Variants in PLPPR1 observed in about 807,000 individuals in gnomAD.
The protein encoded by PLPPR1 is phospholipid phosphatase related 1.
In PLPPR1, 10 loss-of-function variants were observed where a neutral mutation model predicts 33.1. The observed-to-expected ratio is 0.30, with a 90% confidence interval of 0.19 to 0.51. PLPPR1 has a LOEUF of 0.51. PLPPR1 is among the 20% of genes least tolerant of loss of function. PLPPR1 has a pLI of 0.97. For synonymous variants in PLPPR1, 151 were observed against 151.0 expected (o/e 1.00, Z 0.00); for missense variants, 304 against 408.1 (o/e 0.74, Z 2.20).
chr9:101,261,593 A>G (rs1344063203), intron 2 of PLPPR1, among the ~76,000 whole-genome samples: 1 of 152,164 alleles, frequency 6.6e-6, no homozygotes, highest in African/African-American at 2.4e-5. Context: ...CATGGAATCA[A>G]CCTAAATGCT....
At chr9:101,085,979 C>T (rs1339424) in intron 1 of PLPPR1, among the ~76,000 whole-genome samples, 31,324 of 152,056 alleles carry the variant, frequency 0.21, 3,395 homozygotes, top group East Asian at 0.35. Context: ...TGAGGTTAAC[C>T]ATGAATGTTT....
rs1396015289 is a variant in PLPPR1, at chr9:101,185,462, T to C, written c.-33T>C. The C allele has an allele frequency of 1.4e-6, 2 of 1,433,164 alleles. No homozygotes were observed. Among genetic ancestry groups the C allele is most frequent in the African/African-American group, 2.8e-5 (2 of 70,876 alleles). The allele number at this position is 1,433,164 out of a possible 1,614,324, so 88.8% of individuals were successfully genotyped here. A position where few individuals can be genotyped will look rare whatever the true frequency, so the allele number is the denominator to read the frequency against. ...ATTTCTATTTCAGCCTGGACAGTTT[T>C]TGACGGTGCAGTCTTGCTATATGGT... is the stretch of plus-strand genomic sequence containing the variant. On this transcript the variant is annotated 5_prime_UTR_variant, in exon 2 of 8. Transcript: ENST00000374874.
At chr9:101,265,881 AG>A (rs1827982631) in intron 2 of PLPPR1, among the ~76,000 whole-genome samples, 1 of 152,098 alleles carries the variant, frequency 6.6e-6, no homozygotes, top group African/African-American at 2.4e-5. Context: ...CTGTAATCCC[AG>A]CTACTCAGGA....
intron 1 of PLPPR1, among the ~76,000 whole-genome samples, chr9:101,051,848 A>G (rs1354062445): frequency 6.6e-6 from 1 of 152,222 alleles, no homozygotes; most frequent in Non-Finnish European, 1.5e-5. Flanking sequence ...TTTAACGTGT[A>G]TCCTTGCAGG....
intron 1 of PLPPR1, among the ~76,000 whole-genome samples, chr9:101,070,058 T>C (rs1317055313): frequency 6.6e-6 from 1 of 152,112 alleles, no homozygotes; most frequent in Non-Finnish European, 1.5e-5. Flanking sequence ...GCTGAGATAG[T>C]GTGTGTCAGA....
At chr9:101,301,462 T>C (rs944506674) in intron 4 of PLPPR1, among the ~76,000 whole-genome samples, 29 of 152,228 alleles carry the variant, frequency 1.9e-4, no homozygotes, top group African/African-American at 6.8e-4. Flanking sequence ...ATACAAGGCA[T>C]ACTTATAATT....
At chr9:101,318,417 A>G in intron 7 of PLPPR1, among the ~76,000 whole-genome samples, 1 of 152,190 alleles carries the variant, frequency 6.6e-6, no homozygotes, top group Admixed American at 6.5e-5. Context: ...ATATATCATT[A>G]CTTGAACAAC....
At chr9:101,235,389 G>A (rs1827278233) in intron 2 of PLPPR1, among the ~76,000 whole-genome samples, 1 of 151,800 alleles carries the variant, frequency 6.6e-6, no homozygotes. Flanking sequence ...TCACCATGAT[G>A]CAAATTCAGC....
At chr9:101,178,119 C>G (rs1040633299) in intron 1 of PLPPR1, among the ~76,000 whole-genome samples, 8 of 152,180 alleles carry the variant, frequency 5.3e-5, no homozygotes, top group African/African-American at 1.9e-4. Flanking sequence ...TTTTAATGAT[C>G]AAGTGGATAG....
chr9:101,181,402 G>A (rs912793115), intron 1 of PLPPR1, among the ~76,000 whole-genome samples: 1 of 150,794 alleles, frequency 6.6e-6, no homozygotes, highest in Non-Finnish European at 1.5e-5. Flanking sequence ...AAAACAGTAT[G>A]GAGGCTCCTC....
At chr9:101,209,807 G>A (rs748838025) in intron 2 of PLPPR1, among the ~76,000 whole-genome samples, 26 of 152,164 alleles carry the variant, frequency 1.7e-4, no homozygotes, top group Non-Finnish European at 3.1e-4. Flanking sequence ...ATTTTTTAGC[G>A]AGAAGTTTTA....
intron 1 of PLPPR1, among the ~76,000 whole-genome samples, chr9:101,136,816 G>A (rs1831383132): frequency 6.6e-6 from 1 of 152,146 alleles, no homozygotes; most frequent in South Asian, 2.1e-4. Context: ...AAGGGTAGTG[G>A]GGGCAGTGGA....
intron 1 of PLPPR1, among the ~76,000 whole-genome samples, chr9:101,050,083 C>T (rs1295275576): frequency 1.4e-5 from 2 of 147,072 alleles, no homozygotes; most frequent in East Asian, 4.0e-4. Flanking sequence ...CGAGATCGTG[C>T]CACTGCACTC....
intron 1 of PLPPR1, among the ~76,000 whole-genome samples, chr9:101,113,405 A>C (rs1831080953): frequency 6.6e-6 from 1 of 152,162 alleles, no homozygotes; most frequent in African/African-American, 2.4e-5. Flanking sequence ...TGATATGAGT[A>C]AGGGATATAT....
chr9:101,218,208 C>A (rs906319117), intron 2 of PLPPR1, among the ~76,000 whole-genome samples: 1 of 152,026 alleles, frequency 6.6e-6, no homozygotes, highest in African/African-American at 2.4e-5. Context: ...CAAAAATGAT[C>A]CACATTGGGA....
chr9:101,169,154 C>A (rs986905102), intron 1 of PLPPR1, among the ~76,000 whole-genome samples: 3 of 152,008 alleles, frequency 2.0e-5, no homozygotes, highest in African/African-American at 7.2e-5. Flanking sequence ...GGGGACTTTC[C>A]CAATGTCTCA....
At chr9:101,105,931 GT>G (rs2118562119) in intron 1 of PLPPR1, among the ~76,000 whole-genome samples, 1 of 145,520 alleles carries the variant, frequency 6.9e-6, no homozygotes, top group East Asian at 2.1e-4. Context: ...TTTGATCTTT[GT>G]TGGTTTAAAG....
intron 4 of PLPPR1, among the ~76,000 whole-genome samples, chr9:101,303,890 G>A (rs541752545): frequency 1.1e-4 from 17 of 152,142 alleles, no homozygotes; most frequent in African/African-American, 4.1e-4. Flanking sequence ...TCAGAAATAG[G>A]GACATTTCTA....
intron 7 of PLPPR1, among the ~76,000 whole-genome samples, chr9:101,322,163 A>G (rs574076261): frequency 8.3e-6 from 1 of 120,476 alleles, no homozygotes; most frequent in African/African-American, 3.3e-5. Flanking sequence ...GTACCTTTGC[A>G]CTCCAGCCTG....
Sources: allele counts gnomAD v4.1 joint callset (sites outside exome capture counted in the v4.1 genomes callset), GRCh38; gene constraint gnomAD v4.1.1; transcripts MANE v1.5; gene names NCBI Gene and HGNC (gene_info 2026-07-23, HGNC 2026-07-21).